LARGE1: variants seen among roughly 807,000 people sequenced by gnomAD.
The protein encoded by LARGE1 is xylosyl- and glucuronyltransferase LARGE1.
LARGE1 carries 43 observed loss-of-function variants against 87.6 expected under a neutral mutation model. The observed-to-expected ratio is 0.49, with a 90% CI of 0.38 to 0.63. The LOEUF (loss-of-function observed/expected upper bound fraction) is 0.63, where lower values mean the gene tolerates loss of function less well. LARGE1 is among the 30% of genes least tolerant of loss of function. The probability of loss-of-function intolerance (pLI) is 0.00; values close to 1 mark genes in which losing one functional copy is unlikely to be tolerated. For missense variants in LARGE1, 802 were observed against 1,000.2 expected (o/e 0.80, Z 2.67); for synonymous variants, 434 against 394.6 (o/e 1.10, Z -1.18).
upstream of LARGE1, among the ~76,000 whole-genome samples, chr22:33,921,552 T>C (rs1010624062): frequency 2.0e-5 from 3 of 152,098 alleles, no homozygotes; most frequent in Admixed American, 2.0e-4. This position sits in a 1 kb window ranked among gnomAD's most constrained non-coding sequence, Gnocchi z 4.1. Flanking sequence ...AGCCGGAGTC[T>C]GTGAGGAGCC....
intron 11 of LARGE1, among the ~76,000 whole-genome samples, chr22:33,200,458 G>A (rs1924320991): frequency 6.6e-6 from 1 of 152,136 alleles, no homozygotes; most frequent in Non-Finnish European, 1.5e-5. Flanking sequence ...TCAGCAGGGA[G>A]TTACTATGTG....
At chr22:33,839,426 G>A (rs564205642) in intron 1 of LARGE1, among the ~76,000 whole-genome samples, 1 of 152,276 alleles carries the variant, frequency 6.6e-6, no homozygotes, top group East Asian at 1.9e-4. Context: ...ACTGCAACAT[G>A]AGATTTGGAG....
intron 9 of LARGE1, among the ~76,000 whole-genome samples, chr22:33,344,072 T>C (rs1056965722): frequency 3.9e-5 from 6 of 152,298 alleles, no homozygotes; most frequent in African/African-American, 1.4e-4. Flanking sequence ...TGCTGGCAGC[T>C]GATTAGATGT....
At chr22:33,917,293 A>G (rs564561696) in intron 1 of LARGE1, among the ~76,000 whole-genome samples, 13 of 152,316 alleles carry the variant, frequency 8.5e-5, no homozygotes, top group African/African-American at 3.1e-4. Flanking sequence ...CAGCTTTGAT[A>G]AGACTTAGCT....
In LARGE1 at chr22:33,766,010, A is replaced by G. The variant is rs546892678; in HGVS notation, c.-82-4452T>C. ...CCTTCATGAATTTCACTTTTAAATG[A>G]CACCTCTGTGTACTAAAAACACATT... On this transcript the variant is annotated intron_variant, in intron 1 of 14. Transcript: ENST00000397394. Among the ~76,000 whole-genome samples, 321 of 152,328 alleles carry G rather than the reference A, an allele frequency of 2.1e-3. 2 individuals are homozygous for G. Among genetic ancestry groups the G allele is most frequent in the African/African-American group, 7.5e-3 (310 of 41,570 alleles).
At chr22:33,088,762 C>T in the LARGE1 span, among the ~76,000 whole-genome samples, 1 of 152,116 alleles carries the variant, frequency 6.6e-6, no homozygotes, top group African/African-American at 2.4e-5. Flanking sequence ...TTTGAATCCC[C>T]GACTTTTAGA....
chr22:33,666,767 A>C (rs1316741891), intron 2 of LARGE1, among the ~76,000 whole-genome samples: 1 of 152,208 alleles, frequency 6.6e-6, no homozygotes, highest in East Asian at 1.9e-4. Context: ...ACTGATGAGT[A>C]GCTTCAGCTG....
intron 6 of LARGE1, among the ~76,000 whole-genome samples, chr22:33,534,715 G>T (rs1186261751): frequency 6.6e-6 from 1 of 152,212 alleles, no homozygotes; most frequent in Non-Finnish European, 1.5e-5. Context: ...TGGGTTTGGG[G>T]AGAGGATGGA....
chr22:33,116,871 G>T, the LARGE1 span, among the ~76,000 whole-genome samples: 3 of 152,160 alleles, frequency 2.0e-5, no homozygotes, highest in African/African-American at 7.2e-5. Context: ...CAAGTAGCAC[G>T]GGATTTAAAA....
chr22:33,597,545 A>T (rs1424846791), intron 5 of LARGE1, among the ~76,000 whole-genome samples: 2 of 152,190 alleles, frequency 1.3e-5, no homozygotes, highest in African/African-American at 4.8e-5. Flanking sequence ...GACCAGCACA[A>T]AGGCAATTAA....
chr22:33,420,596 G>A (rs189840692), intron 7 of LARGE1, among the ~76,000 whole-genome samples: 13 of 152,208 alleles, frequency 8.5e-5, no homozygotes, highest in Middle Eastern at 6.8e-3. Flanking sequence ...TCCAGGAAAC[G>A]ACATCAAAAA....
intron 9 of LARGE1, among the ~76,000 whole-genome samples, chr22:33,347,438 T>C (rs1297209078): frequency 1.3e-5 from 2 of 152,182 alleles, no homozygotes; most frequent in African/African-American, 2.4e-5. Flanking sequence ...ATCCTCACAT[T>C]TTGTCTGTCT....
chr22:33,510,025 T>C (rs547660708), intron 6 of LARGE1, among the ~76,000 whole-genome samples: 11 of 152,248 alleles, frequency 7.2e-5, no homozygotes, highest in South Asian at 6.2e-4. Context: ...AGTACAATAA[T>C]AAAACCAAAT....
intron 9 of LARGE1, among the ~76,000 whole-genome samples, chr22:33,379,443 T>C (rs1443395478): frequency 1.3e-5 from 2 of 152,020 alleles, no homozygotes; most frequent in Non-Finnish European, 1.5e-5. Flanking sequence ...CCCCGGTGTG[T>C]GATGTTCCCC....
At chr22:33,878,123 G>GTCTTTTTTTTTTTTTTT (rs1555887723) in intron 1 of LARGE1, among the ~76,000 whole-genome samples, 1 of 61,502 alleles carries the variant, frequency 1.6e-5, no homozygotes, top group South Asian at 5.0e-4. Context: ...TGTTTATATT[G>GTCTTTTTTTTTTTTTTT]TATTTCTTTT....
intron 2 of LARGE1, among the ~76,000 whole-genome samples, chr22:33,673,151 T>C (rs1398411067): frequency 6.6e-6 from 1 of 152,102 alleles, no homozygotes; most frequent in Non-Finnish European, 1.5e-5. Context: ...GGCGGGCGCC[T>C]GTAATCCCAT....
chr22:33,073,218 A>G, the LARGE1 span, among the ~76,000 whole-genome samples: 2 of 152,200 alleles, frequency 1.3e-5, no homozygotes, highest in Admixed American at 1.3e-4. Flanking sequence ...AGTTTAAATA[A>G]ACTTTGCAGA....
At chr22:33,245,808 C>T (rs1262404215) in intron 11 of LARGE1, among the ~76,000 whole-genome samples, 2 of 152,134 alleles carry the variant, frequency 1.3e-5, no homozygotes, top group Admixed American at 6.5e-5. Context: ...ATTTGGGAGG[C>T]TGAGGCAGGA....
intron 11 of LARGE1, 150 bp from the exon 12 acceptor site, chr22:33,304,657 AC>A (rs1934628658): frequency 4.9e-6 from 4 of 818,076 alleles, no homozygotes; most frequent in Non-Finnish European, 7.5e-6. Context: ...CAGTTCCTTT[AC>A]CTATAAAACA....
Sources: gnomAD v4.1 joint callset for allele counts (sites outside exome capture counted in the v4.1 genomes callset) on GRCh38, gnomAD v4.1.1 for gene constraint, Gnocchi (gnomAD v3.1) non-coding constraint, MANE v1.5 for transcripts, NCBI Gene and HGNC (gene_info 2026-07-23, HGNC 2026-07-21) for gene names.